The following SLC30A5 variants were observed in gnomAD, a reference collection of about 807,000 sequenced individuals.
SLC30A5 encodes solute carrier family 30 member 5.
In SLC30A5, 33 loss-of-function variants were observed where a neutral mutation model predicts 79.6. The ratio of observed to expected loss-of-function variants is 0.41; its 90% CI spans 0.31 to 0.55. The LOEUF (loss-of-function observed/expected upper bound fraction) is 0.55, where lower values mean the gene tolerates loss of function less well. Among genes scored for constraint, SLC30A5 ranks in the 20% least tolerant of loss-of-function variants. The pLI, the probability that SLC30A5 is intolerant of heterozygous loss-of-function variation, is 0.20. For synonymous variants in SLC30A5, 299 were observed against 319.7 expected (o/e 0.94, Z 0.69); for missense variants, 788 against 928.1 (o/e 0.85, Z 1.96).
chr5:69,111,057 C>T (rs1226089600), intron 5 of SLC30A5, among the ~76,000 whole-genome samples: 1 of 150,554 alleles, frequency 6.6e-6, no homozygotes, highest in Admixed American at 6.6e-5. Flanking sequence ...GCAGTGGCAC[C>T]ATCTTGGCTC....
In SLC30A5 at chr5:69,123,207, C is replaced by A. The variant is rs1275762423; in HGVS notation, c.1780C>A (p.Leu594Ile). The A allele has an allele frequency of 5.0e-6, 8 of 1,595,204 alleles. No homozygotes were observed. The South Asian group carries it at 9.1e-5, about 18-fold the overall frequency. The change falls in exon 14 of 16, where the codon CTA becomes ATA. Residue 594 changes from leucine to isoleucine, a missense_variant. Transcript: ENST00000396591. ...ATATATTTTATTTGTAGGTGTATTT[C>A]TACATGTTTTGGCAGATACACTTGG... ...GMNANMRGVF[L>I]HVLADTLGSI...
At chr5:69,107,997 C>T (rs1435605422) in intron 4 of SLC30A5, among the ~76,000 whole-genome samples, 2 of 152,198 alleles carry the variant, frequency 1.3e-5, no homozygotes, top group Admixed American at 1.3e-4. Context: ...TCCCAAAGTG[C>T]TGGATTATAG....
intron 15 of SLC30A5, among the ~76,000 whole-genome samples, chr5:69,128,527 T>A (rs905227350): frequency 6.6e-6 from 1 of 152,160 alleles, no homozygotes; most frequent in African/African-American, 2.4e-5. Flanking sequence ...CCTCCCAAAG[T>A]GCTGGGTTTA....
intron 6 of SLC30A5, 88 bp downstream of exon 6, chr5:69,113,315 T>A: frequency 1.1e-6 from 1 of 908,190 alleles, no homozygotes; most frequent in Non-Finnish European, 1.7e-6. Context: ...ATAAGTGAAT[T>A]AAACTGATCA....
At chr5:69,099,120 A>G (rs1031847125) in intron 1 of SLC30A5, among the ~76,000 whole-genome samples, 1 of 152,236 alleles carries the variant, frequency 6.6e-6, no homozygotes, top group Admixed American at 6.5e-5. Flanking sequence ...AAATAGTACA[A>G]ATAAAATAGC....
At chr5:69,102,859 CAA>C (rs35509140) in intron 2 of SLC30A5, 4,758 of 132,142 alleles carry the variant, frequency 0.036, 21 homozygotes, top group African/African-American at 0.069. Flanking sequence ...GACTCCATCT[CAA>C]AAAAAAAAAA....
Position 69,103,124 on chromosome 5 carries a change from AC to A in SLC30A5, c.271del (p.Gln91SerfsTer29). The A allele has an allele frequency of 6.3e-7, 1 of 1,576,926 alleles. No homozygotes were observed. The highest frequency in any genetic ancestry group is 8.7e-7 in the Non-Finnish European group (1 of 1,150,790). The part of the protein sequence containing the change: ...PFSSGKTITK[H>X]QWIKIFKHAV... ...TCTTCTGGGAAAACTATTACCAAAC[AC>A]CAGGTAAGATTTTTGCAGAATCTTT... On this transcript the variant is annotated frameshift_variant, in exon 3 of 16. Transcript: ENST00000396591. LOFTEE classifies it high-confidence loss of function.
chr5:69,112,312 T>C (rs960408332), intron 5 of SLC30A5, among the ~76,000 whole-genome samples: 4 of 151,894 alleles, frequency 2.6e-5, no homozygotes, highest in African/African-American at 9.7e-5. Flanking sequence ...AAGGAATGTA[T>C]AGTAATGCTA....
At chr5:69,096,099 AG>A (rs2111917532) in intron 1 of SLC30A5, among the ~76,000 whole-genome samples, 2 of 152,310 alleles carry the variant, frequency 1.3e-5, no homozygotes, top group South Asian at 4.1e-4. Flanking sequence ...AATTTCCTGA[AG>A]TAGACAGCTC....
chr5:69,120,419 G>T (rs1336796041), intron 12 of SLC30A5, among the ~76,000 whole-genome samples: 1 of 151,936 alleles, frequency 6.6e-6, no homozygotes, highest in African/African-American at 2.4e-5. Flanking sequence ...ATAGTATTAT[G>T]ATTACATTGT....
intron 12 of SLC30A5, 82 bp from the exon 13 acceptor site, chr5:69,121,612 T>G: frequency 1.0e-6 from 1 of 959,430 alleles, no homozygotes; most frequent in Non-Finnish European, 1.5e-6. Flanking sequence ...CAGAAAAACA[T>G]ATATAGCTAT....
At position 69,094,230 on chromosome 5, in the gene SLC30A5, A is replaced by AGCG; in HGVS notation, c.-17_-15dup. The stretch of plus-strand genomic sequence containing the variant: ...CATGAGGAGACCCCGCGACAGGGGC[A>AGCG]GCGGCGGCGGCTCGTGAGCCCCGGG... On this transcript the variant is annotated 5_prime_UTR_variant, in exon 1 of 16. Coordinates refer to ENST00000396591, the MANE Select transcript of SLC30A5 (RefSeq NM_022902.5). 8.7e-7 allele frequency: 1 copy of AGCG among 1,145,526 alleles called. No individual in the cohort carries two copies. Among genetic ancestry groups the AGCG allele is most frequent in the Non-Finnish European group, 1.1e-6 (1 of 891,890 alleles). The allele number at this position is 1,145,526 out of a possible 1,614,324, so 71.0% of individuals were successfully genotyped here. A position where few individuals can be genotyped will look rare whatever the true frequency, so the allele number is the denominator to read the frequency against.
At chr5:69,103,895 CCAAGAA>C in intron 3 of SLC30A5, 1 of 1,227,776 alleles carries the variant, frequency 8.1e-7, no homozygotes, top group Admixed American at 3.0e-5. Flanking sequence ...GTTTCAGAGA[CCAAGAA>C]CATTTTTTAA....
intron 3 of SLC30A5, chr5:69,104,044 G>T: frequency 6.4e-7 from 1 of 1,562,094 alleles, no homozygotes; most frequent in South Asian, 1.2e-5. Flanking sequence ...GTGGGAAACT[G>T]AGAAATCATA....
rs1481528788 is a variant in SLC30A5 at position 69,115,972 on chromosome 5, TTATC to T, written c.832_835del (p.Ile278PhefsTer4). ...TCTCTCATTATGCCTTTTGCAACGG[TTATC>T]TTTTTTGTCATGATCCTGGATTTCT... On this transcript the variant is annotated frameshift_variant, in exon 9 of 16. Transcript: ENST00000396591. LOFTEE classifies it high-confidence loss of function. The T allele has an allele frequency of 6.2e-7, 1 of 1,613,828 alleles. No individual in the cohort carries two copies. The highest frequency in any genetic ancestry group is 8.5e-7 in the Non-Finnish European group (1 of 1,179,944).
intron 5 of SLC30A5, among the ~76,000 whole-genome samples, chr5:69,112,158 A>C (rs1746251374): frequency 6.6e-6 from 1 of 152,082 alleles, no homozygotes; most frequent in Non-Finnish European, 1.5e-5. Context: ...TTAGCCAAGC[A>C]TGGTGATGTG....
chr5:69,096,961 C>A (rs1228794317), intron 1 of SLC30A5, among the ~76,000 whole-genome samples: 1 of 147,330 alleles, frequency 6.8e-6, no homozygotes, highest in Non-Finnish European at 1.5e-5. Context: ...CCCTGCCCCG[C>A]CTTTCCCCTC....
At chr5:69,113,760 A>G (rs1746293778) in intron 6 of SLC30A5, among the ~76,000 whole-genome samples, 1 of 152,114 alleles carries the variant, frequency 6.6e-6, no homozygotes, top group South Asian at 2.1e-4. Flanking sequence ...TTCTATTCAT[A>G]CATCCTTACC....
intron 15 of SLC30A5, among the ~76,000 whole-genome samples, chr5:69,129,180 G>A (rs942129129): frequency 6.6e-6 from 1 of 152,030 alleles, no homozygotes; most frequent in Non-Finnish European, 1.5e-5. Context: ...AAGTGTTTTC[G>A]ATTTGCGATT....
Sources: gnomAD v4.1 joint callset for allele counts (sites outside exome capture counted in the v4.1 genomes callset) on GRCh38, gnomAD v4.1.1 for gene constraint, MANE v1.5 for transcripts, NCBI Gene and HGNC (gene_info 2026-07-23, HGNC 2026-07-21) for gene names.